PRKD1: variants seen among roughly 807,000 people sequenced by gnomAD.
PRKD1 encodes the protein protein kinase D1.
A neutral mutation model predicts 95.9 loss-of-function variants in PRKD1; 63 were observed. The ratio of observed to expected loss-of-function variants is 0.66; its 90% CI spans 0.54 to 0.81. PRKD1 has a LOEUF of 0.81. Ranked by LOEUF, PRKD1 falls within the 30% of genes least tolerant of loss-of-function variation. The pLI is 0.00. For synonymous variants in PRKD1, 425 were observed against 423.1 expected, an observed-to-expected ratio of 1.00 and a Z score of -0.05; for missense variants, 1,048 against 1,165.3, an observed-to-expected ratio of 0.90 and a Z score of 1.47.
chr14:29,653,507 C>T (rs550481604), intron 4 of PRKD1, among the ~76,000 whole-genome samples: 1 of 152,042 alleles, frequency 6.6e-6, no homozygotes, highest in African/African-American at 2.4e-5. Context: ...CAATTATATC[C>T]TATGGTCACA....
At chr14:29,589,654 CT>C (rs1379892317) in intron 16 of PRKD1, among the ~76,000 whole-genome samples, 2 of 151,832 alleles carry the variant, frequency 1.3e-5, no homozygotes, top group African/African-American at 2.4e-5. Context: ...ATTTTAGACA[CT>C]TTTTAGACCA....
At chr14:29,772,236 T>C (rs1171111649) in intron 1 of PRKD1, among the ~76,000 whole-genome samples, 2 of 152,178 alleles carry the variant, frequency 1.3e-5, no homozygotes, top group African/African-American at 2.4e-5. Flanking sequence ...CCTCTAAAAT[T>C]CATATGTTGA....
intron 1 of PRKD1, among the ~76,000 whole-genome samples, chr14:29,791,515 A>T (rs903360622): frequency 6.6e-6 from 1 of 152,124 alleles, no homozygotes; most frequent in African/African-American, 2.4e-5. Flanking sequence ...ACAACCACTG[A>T]TCTGCTTTTC....
intron 11 of PRKD1, among the ~76,000 whole-genome samples, chr14:29,628,127 T>C (rs572062830): frequency 3.7e-4 from 56 of 152,350 alleles, no homozygotes; most frequent in Non-Finnish European, 6.5e-4. Context: ...ATCTCATGAT[T>C]GACAGCACAA....
At chr14:29,680,228 AAAT>A (rs1383064427) in intron 2 of PRKD1, among the ~76,000 whole-genome samples, 2 of 152,198 alleles carry the variant, frequency 1.3e-5, no homozygotes, top group African/African-American at 4.8e-5. Flanking sequence ...GCAATTAAAA[AAAT>A]AATAACCCCC....
intron 2 of PRKD1, among the ~76,000 whole-genome samples, chr14:29,679,886 C>G (rs1393971536): frequency 1.3e-5 from 2 of 151,960 alleles, no homozygotes; most frequent in Non-Finnish European, 2.9e-5. Context: ...CAACACCACA[C>G]CTGGCTAATT....
At chr14:29,855,268 C>A (rs115313773) in intron 1 of PRKD1, among the ~76,000 whole-genome samples, 1,596 of 152,246 alleles carry the variant, frequency 0.01, 29 homozygotes, top group African/African-American at 0.037. Flanking sequence ...CTGTACCCTG[C>A]AAAGCCATAG....
chr14:29,659,986 T>C (rs1016223931), intron 4 of PRKD1, among the ~76,000 whole-genome samples: 2 of 152,212 alleles, frequency 1.3e-5, no homozygotes, highest in Admixed American at 1.3e-4. Context: ...TCATCAGTGA[T>C]TTAAATCCTG....
At chr14:29,776,085 C>G (rs1490646471) in intron 1 of PRKD1, among the ~76,000 whole-genome samples, 1 of 152,166 alleles carries the variant, frequency 6.6e-6, no homozygotes, top group Non-Finnish European at 1.5e-5. Context: ...GCTGAGGGTC[C>G]TGACTGTCAG....
chr14:29,583,157 C>G (rs1892803974), intron 16 of PRKD1, among the ~76,000 whole-genome samples: 1 of 152,162 alleles, frequency 6.6e-6, no homozygotes, highest in Non-Finnish European at 1.5e-5. Context: ...CTCAGACATT[C>G]TTGGTACCCT....
chr14:29,799,554 G>A (rs1889943976), intron 1 of PRKD1, among the ~76,000 whole-genome samples: 1 of 152,178 alleles, frequency 6.6e-6, no homozygotes, highest in South Asian at 2.1e-4. Context: ...TCTTGCAAAT[G>A]AACATAAAAT....
At chr14:29,756,117 G>C (rs1280068290) in intron 1 of PRKD1, among the ~76,000 whole-genome samples, 1 of 152,048 alleles carries the variant, frequency 6.6e-6, no homozygotes, top group Non-Finnish European at 1.5e-5. Context: ...CCTCTAGTAA[G>C]TTCTGGCACT....
At chr14:29,754,166 A>C (rs1383329365) in intron 1 of PRKD1, among the ~76,000 whole-genome samples, 2 of 152,162 alleles carry the variant, frequency 1.3e-5, no homozygotes, top group Non-Finnish European at 1.5e-5. Context: ...GTTTGCATTT[A>C]TCTAACTACA....
At chr14:29,646,660 G>C (rs1257847764) in intron 4 of PRKD1, among the ~76,000 whole-genome samples, 1 of 151,702 alleles carries the variant, frequency 6.6e-6, no homozygotes, top group African/African-American at 2.4e-5. Flanking sequence ...TCTCACTTAG[G>C]GATGATGACC....
chr14:29,720,455 C>A (rs1178249828), intron 2 of PRKD1, among the ~76,000 whole-genome samples: 5 of 151,926 alleles, frequency 3.3e-5, no homozygotes, highest in African/African-American at 1.2e-4. Context: ...CTAGTAGAAG[C>A]TTTTTGTTTG....
intron 13 of PRKD1, among the ~76,000 whole-genome samples, chr14:29,600,475 A>G (rs1212219647): frequency 1.3e-5 from 2 of 152,276 alleles, no homozygotes; most frequent in Non-Finnish European, 2.9e-5. Context: ...GTCCACTTAC[A>G]TGTGGATATT....
intron 9 of PRKD1, among the ~76,000 whole-genome samples, chr14:29,631,320 A>G (rs1427713908): frequency 6.6e-6 from 1 of 152,168 alleles, no homozygotes; most frequent in Non-Finnish European, 1.5e-5. Flanking sequence ...GACTTAGAAA[A>G]TAAGCGATAA....
intron 13 of PRKD1, among the ~76,000 whole-genome samples, chr14:29,614,960 C>T (rs1252530151): frequency 6.6e-6 from 1 of 151,388 alleles, no homozygotes; most frequent in East Asian, 1.9e-4. Flanking sequence ...AGTCTGCCCG[C>T]CTCGGCCTCC....
chr14:29,622,126 A>T (rs1879305387), intron 13 of PRKD1, among the ~76,000 whole-genome samples: 1 of 152,112 alleles, frequency 6.6e-6, no homozygotes. Flanking sequence ...GCACAACCAG[A>T]AGATCCTTCT....
Sources: allele counts gnomAD v4.1 joint callset (sites outside exome capture counted in the v4.1 genomes callset), GRCh38; gene constraint gnomAD v4.1.1; transcripts MANE v1.5; gene names NCBI Gene and HGNC (gene_info 2026-07-23, HGNC 2026-07-21).